The following COCH variants were observed in gnomAD, a reference collection of about 807,000 sequenced individuals.
COCH encodes the protein cochlin.
In COCH, 40 loss-of-function variants were observed where a neutral mutation model predicts 54.8. The observed-to-expected ratio is 0.73, with a 90% CI of 0.57 to 0.95. COCH has a LOEUF of 0.95. Among genes scored for constraint, COCH ranks in the 40% least tolerant of loss-of-function variants. The pLI is 0.00. For missense variants in COCH, 605 were observed against 675.0 expected (o/e 0.90, Z 1.15); for synonymous variants, 256 against 237.9 (o/e 1.08, Z -0.70).
chr14:30,889,589 A>G (rs552215453), intron 11 of COCH, 27 bp from the exon 12 acceptor site: 1 of 1,607,350 alleles, frequency 6.2e-7, no homozygotes, highest in Admixed American at 1.7e-5. Flanking sequence ...CTGATTTTCA[A>G]TTCACTTTAA....
chr14:30,875,084 C>A lies in COCH; in HGVS notation c.63C>A (p.Pro21=). 1 of 1,586,096 alleles carries A rather than the reference C, an allele frequency of 6.3e-7. No individual in the cohort carries two copies. Among genetic ancestry groups the A allele is most frequent in the East Asian group, 2.3e-5 (1 of 43,584 alleles). ...TGTGTCTGCTGCTGCTGCCGGGGCC[C>A]GCGGGCAGCGAGGGAGCCGGTGAGT... ...LGVCLLLLPG[P]AGSEGAAPIA... is the part of the protein sequence containing the mutation. Residue 21 remains proline (P), a synonymous_variant, in exon 3 of 12, where the codon CCC becomes CCA. Coordinates refer to ENST00000396618, the MANE Select transcript of COCH (RefSeq NM_004086.3).
rs1431350063 is a variant in COCH at position 30,890,118 on chromosome 14, G to C, written c.*327G>C. 9.8e-7 allele frequency: 1 copy of C among 1,021,916 alleles called. No homozygotes were observed. The highest frequency in any genetic ancestry group is 1.2e-6 in the Non-Finnish European group (1 of 851,552). The allele number at this position is 1,021,916 out of a possible 1,614,324, so 63.3% of individuals were successfully genotyped here. A position where few individuals can be genotyped will look rare whatever the true frequency, so the allele number is the denominator to read the frequency against. On this transcript the variant is annotated 3_prime_UTR_variant, in exon 12 of 12. Transcript: ENST00000396618. Reference sequence around the variant, plus strand: ...ATGCAAATTCCATAGCTCAATAAAAGAATCTGATACTTAGACCAAAAGCAA... The same window carrying C: ...ATGCAAATTCCATAGCTCAATAAAACAATCTGATACTTAGACCAAAAGCAA...
intron 11 of COCH, among the ~76,000 whole-genome samples, chr14:30,886,588 C>T (rs892556472): frequency 6.6e-6 from 1 of 152,118 alleles, no homozygotes. Context: ...GGAGAATTGC[C>T]ATGAGAACCA....
intron 11 of COCH, among the ~76,000 whole-genome samples, chr14:30,888,506 G>A (rs1781108673): frequency 8.1e-6 from 1 of 123,306 alleles, no homozygotes; most frequent in African/African-American, 2.6e-5. Flanking sequence ...ATGAGGCCAG[G>A]TGTGGTGGCT....
At chr14:30,879,068 T>A (rs1350124395) in intron 5 of COCH, 124 bp downstream of exon 5, 1 of 1,390,514 alleles carries the variant, frequency 7.2e-7, no homozygotes, top group Non-Finnish European at 1.0e-6. Context: ...AGCTGACCTA[T>A]AGAGGTAAAC....
rs28938175 is a variant in COCH at position 30,877,640 on chromosome 14, C to T, written c.151C>T (p.Pro51Ser). 3 of 1,614,172 alleles carry T rather than the reference C, an allele frequency of 1.9e-6. No individual in the cohort carries two copies. Among genetic ancestry groups the T allele is most frequent in the Non-Finnish European group, 2.5e-6 (3 of 1,180,038 alleles). Residue 51 changes from proline (P) to serine (S), a missense_variant, in exon 4 of 12, where the codon CCA (proline) becomes TCA (serine). Transcript: ENST00000396618. The surrounding 1 kb of genome is among the most constrained non-coding windows in gnomAD (Gnocchi z 8.6). ...IRKEKADVLC[P>S]GGCPLEEFSV... ...GAAAGAGAAAGCAGATGTCCTCTGCCCAGGGGGCTGCCCTCTTGAGGAATT... is the reference window on the plus strand; with the variant it reads ...GAAAGAGAAAGCAGATGTCCTCTGCTCAGGGGGCTGCCCTCTTGAGGAATT...
chr14:30,877,318 A>T lies in COCH; in HGVS notation c.83-254A>T, dbSNP rs1895396838. On this transcript the variant is annotated intron_variant, in intron 3 of 11. Coordinates refer to ENST00000396618, the MANE Select transcript of COCH (RefSeq NM_004086.3). This position sits in a 1 kb window ranked among gnomAD's most constrained non-coding sequence, Gnocchi z 8.6. ...GGGCAACTTGGCGAGTCCCCATTTC[A>T]AAAACAAAAACGAAATAAAAACCCA... The T allele has an allele frequency of 4.5e-6, 2 of 448,610 alleles. No individual in the cohort carries two copies. Among genetic ancestry groups the T allele is most frequent in the African/African-American group, 4.0e-5 (2 of 50,172 alleles). 27.8% of individuals were successfully genotyped at this position (448,610 alleles called of 1,614,324 possible). A position where few individuals can be genotyped will look rare whatever the true frequency, so the allele number is the denominator to read the frequency against.
At position 30,889,868 on chromosome 14, in the gene COCH, G is replaced by A; in HGVS notation, c.*77G>A. 6.5e-7 allele frequency: 1 copy of A among 1,529,128 alleles called. No individual in the cohort carries two copies. Among genetic ancestry groups the A allele is most frequent in the Non-Finnish European group, 8.8e-7 (1 of 1,138,028 alleles). 94.7% of individuals were successfully genotyped at this position (1,529,128 alleles called of 1,614,324 possible). On this transcript the variant is annotated 3_prime_UTR_variant, in exon 12 of 12. Coordinates refer to ENST00000396618, the MANE Select transcript of COCH (RefSeq NM_004086.3). ...AATTGTATTCTCATAATACTGAAAT[G>A]CTTTAGCATACTAGAATCAGATACA...
chr14:30,890,334 C>T lies in COCH; in HGVS notation c.*543C>T. The T allele has an allele frequency of 1.0e-6, 1 of 985,610 alleles. No homozygotes were observed. Among genetic ancestry groups the T allele is most frequent in the Non-Finnish European group, 1.2e-6 (1 of 830,108 alleles). The allele number at this position is 985,610 out of a possible 1,614,324, so 61.1% of individuals were successfully genotyped here. ...CTGGATATAGAAAGGAGACCTGTAT[C>T]AAACTGCTTTTGTAGTGTGTTTTCA... On this transcript the variant is annotated 3_prime_UTR_variant, in exon 12 of 12. Coordinates refer to ENST00000396618, the MANE Select transcript of COCH (RefSeq NM_004086.3).
intron 11 of COCH, chr14:30,889,182 A>C (rs1224671522): frequency 1.2e-5 from 2 of 167,592 alleles, no homozygotes; most frequent in Non-Finnish European, 2.6e-5. Context: ...GCTTTAATGG[A>C]TTGTGACTCT....
intron 11 of COCH, among the ~76,000 whole-genome samples, chr14:30,888,377 C>T (rs140614622): frequency 6.6e-6 from 1 of 151,954 alleles, no homozygotes; most frequent in African/African-American, 2.4e-5. Context: ...CACTGTATAC[C>T]ACTAGAAGGG....
chr14:30,887,738 G>T (rs1895840387), intron 11 of COCH, among the ~76,000 whole-genome samples: 1 of 152,206 alleles, frequency 6.6e-6, no homozygotes, highest in East Asian at 1.9e-4. Flanking sequence ...CTCTGCCAAT[G>T]TACTCACATA....
In COCH at chr14:30,886,055, C is replaced by T. The variant is rs886229195; in HGVS notation, c.1220C>T (p.Ala407Val). 2 of 1,614,128 alleles carry T rather than the reference C, an allele frequency of 1.2e-6. No homozygotes were observed. The highest frequency in any genetic ancestry group is 2.7e-5 in the African/African-American group (2 of 74,932). Reference sequence around the variant, plus strand: ...ATCTCGGACATTGGTGCCAAGATAGCTGCTGTACAGTTTACTTATGATCAG... The same window carrying T: ...ATCTCGGACATTGGTGCCAAGATAGTTGCTGTACAGTTTACTTATGATCAG... ...FEISDIGAKI[A>V]AVQFTYDQRT... is the part of the protein sequence containing the mutation. Residue 407 changes from alanine to valine, a missense_variant, in exon 11 of 12, where the codon GCT (alanine) becomes GTT (valine). Transcript: ENST00000396618.
Position 30,885,930 on chromosome 14 carries a change from A to C in COCH, c.1095A>C (p.Ser365=). Residue 365 remains serine (S), a synonymous_variant, in exon 11 of 12, where the codon TCA becomes TCC. Coordinates refer to ENST00000396618, the MANE Select transcript of COCH (RefSeq NM_004086.3). ...TGTGCAGCAAGACCTGTTATAACTC[A>C]GTGAACATTGCCTTTCTAATTGATG... ...QMMCSKTCYN[S]VNIAFLIDGS... 1.9e-6 allele frequency: 3 copies of C among 1,614,256 alleles called. No homozygotes were observed. Among genetic ancestry groups the C allele is most frequent in the Non-Finnish European group, 2.5e-6 (3 of 1,180,042 alleles).
At chr14:30,875,029 C>T in intron 2 of COCH, 27 bp from the exon 3 acceptor site, 1 of 1,612,616 alleles carries the variant, frequency 6.2e-7, no homozygotes, top group Non-Finnish European at 8.5e-7. Flanking sequence ...GAGGCTGGAG[C>T]CAGCCCTCAC....
downstream of COCH, among the ~76,000 whole-genome samples, chr14:30,891,402 T>G (rs1346023436): frequency 6.6e-6 from 1 of 152,192 alleles, no homozygotes; most frequent in African/African-American, 2.4e-5. Flanking sequence ...TATACTCCAG[T>G]AAATCTTCTG....
In COCH at chr14:30,879,019, C is replaced by T. The variant is rs1436464060; in HGVS notation, c.373+75C>T. ...CGTTTTCTGCTTTTTTTAGCTCAGC[C>T]TCTTTAACCTTGATGGAAAAACCTG... On this transcript the variant is annotated intron_variant, in intron 5 of 11. Coordinates refer to ENST00000396618, the MANE Select transcript of COCH (RefSeq NM_004086.3). 2.0e-5 allele frequency: 32 copies of T among 1,570,328 alleles called. No individual in the cohort carries two copies. In the Admixed American group the frequency reaches 5.3e-4, roughly 26 times the overall value.
At chr14:30,888,179 TGAACTAGAATGTA>T (rs1895856024) in intron 11 of COCH, among the ~76,000 whole-genome samples, 1 of 151,738 alleles carries the variant, frequency 6.6e-6, no homozygotes, top group Non-Finnish European at 1.5e-5. Flanking sequence ...CTAAACAATC[TGAACTAGAATGTA>T]GAACTGAAAA....
chr14:30,874,738 T>G (rs1490177868), intron 1 of COCH, 147 bp downstream of exon 1: 4 of 650,830 alleles, frequency 6.1e-6, no homozygotes, highest in Non-Finnish European at 1.1e-5. Flanking sequence ...TGGGCTTCGC[T>G]CGATTTGCCG....
Sources: allele counts gnomAD v4.1 joint callset (sites outside exome capture counted in the v4.1 genomes callset), GRCh38; gene constraint gnomAD v4.1.1; non-coding constraint Gnocchi (gnomAD v3.1); transcripts MANE v1.5; gene names NCBI Gene and HGNC (gene_info 2026-07-23, HGNC 2026-07-21).